The following CIB4 variants were observed in gnomAD, a reference collection of about 807,000 sequenced individuals.
CIB4 encodes the protein calcium and integrin binding family member 4, also known as calcium and integrin-binding family member 4.
In CIB4, 25 loss-of-function variants were observed where a neutral mutation model predicts 25.8. The ratio of observed to expected loss-of-function variants is 0.97; its 90% CI spans 0.71 to 1.35. The LOEUF is 1.35. Ranked by LOEUF, CIB4 falls within the 40% of genes most tolerant of loss-of-function variation. CIB4 has a pLI of 0.00. For synonymous variants in CIB4, 75 were observed against 81.4 expected, an observed-to-expected ratio of 0.92 and a Z score of 0.42; for missense variants, 235 against 228.2, an observed-to-expected ratio of 1.03 and a Z score of -0.19.
chr2:26,615,418 T>A (rs1184866506), intron 3 of CIB4, among the ~76,000 whole-genome samples: 4 of 152,144 alleles, frequency 2.6e-5, no homozygotes, highest in Non-Finnish European at 4.4e-5. Flanking sequence ...GGAGAGCGGC[T>A]GCCATCCCTA....
chr2:26,636,723 T>C (rs950781774), intron 2 of CIB4, among the ~76,000 whole-genome samples: 1 of 152,224 alleles, frequency 6.6e-6, no homozygotes, highest in Admixed American at 6.5e-5. Flanking sequence ...ACAAAAAGTA[T>C]TGTTATCCTG....
intron 6 of CIB4, among the ~76,000 whole-genome samples, chr2:26,581,621 C>T (rs1324973754): frequency 6.6e-6 from 1 of 152,184 alleles, no homozygotes; most frequent in African/African-American, 2.4e-5. Context: ...CCTTGTGGTG[C>T]TCGAATCAGT....
At chr2:26,592,433 T>C (rs1284173641) in intron 4 of CIB4, among the ~76,000 whole-genome samples, 1 of 152,224 alleles carries the variant, frequency 6.6e-6, no homozygotes, top group Non-Finnish European at 1.5e-5. Context: ...GCCAACAGAA[T>C]TTGGGTATGT....
In CIB4 at chr2:26,600,203, A is replaced by G. The variant is rs184228644; in HGVS notation, c.187-4886T>C. ...GCAGATCACCTGAGGTCAGGAGTTC[A>G]AGACCAGACTGGTCAATGTGGCGAA... On this transcript the variant is annotated intron_variant, in intron 3 of 6. Transcript: ENST00000288861. 3.6e-3 allele frequency among the ~76,000 whole-genome samples: 525 copies of G among 147,492 alleles called. 85 individuals are homozygous for G. Among genetic ancestry groups the G allele is most frequent in the African/African-American group, 0.013 (509 of 38,656 alleles).
intron 3 of CIB4, among the ~76,000 whole-genome samples, chr2:26,608,464 A>G (rs1668935205): frequency 1.3e-5 from 2 of 152,192 alleles, no homozygotes; most frequent in African/African-American, 4.8e-5. Flanking sequence ...CTCTAGGCCT[A>G]AGGCCCAAGA....
At chr2:26,622,417 A>T (rs568989386) in intron 3 of CIB4, among the ~76,000 whole-genome samples, 2 of 152,254 alleles carry the variant, frequency 1.3e-5, no homozygotes, top group East Asian at 3.9e-4. Flanking sequence ...GATCTCCCCC[A>T]AACTATCATG....
chr2:26,589,278 T>A (rs1018857329), intron 4 of CIB4, among the ~76,000 whole-genome samples: 1 of 148,550 alleles, frequency 6.7e-6, no homozygotes, highest in Non-Finnish European at 1.5e-5. Flanking sequence ...TCCTCCTCCT[T>A]CTTTCCTCCT....
Position 26,582,966 on chromosome 2 carries a change from G to A in CIB4, c.439-53C>T, listed in dbSNP as rs138041052. ...AGTGGAACCCCATGTCAGGCAGTGAGGTGGGGCACAGGGTGGAGGGGGAAA... is the reference window on the plus strand; with the variant it reads ...AGTGGAACCCCATGTCAGGCAGTGAAGTGGGGCACAGGGTGGAGGGGGAAA... On this transcript the variant is annotated intron_variant, in intron 5 of 6. Transcript: ENST00000288861. 1.6e-5 allele frequency: 20 copies of A among 1,258,968 alleles called. No homozygotes were observed. In the African/African-American group the frequency reaches 2.4e-4, roughly 15 times the overall value. The allele number at this position is 1,258,968 out of a possible 1,614,324, so 78.0% of individuals were successfully genotyped here.
intron 2 of CIB4, among the ~76,000 whole-genome samples, chr2:26,637,476 A>T (rs1669555740): frequency 1.3e-5 from 2 of 151,776 alleles, no homozygotes; most frequent in Admixed American, 6.6e-5. Context: ...CTTTTAGTAA[A>T]CAGAGGTCAA....
intron 2 of CIB4, among the ~76,000 whole-genome samples, chr2:26,635,296 A>C (rs963019326): frequency 3.3e-5 from 5 of 152,314 alleles, no homozygotes; most frequent in Admixed American, 3.3e-4. Context: ...CTAGAACATG[A>C]GGTCTCCCCC....
chr2:26,589,331 C>G (rs1043723260), intron 4 of CIB4, among the ~76,000 whole-genome samples: 2 of 150,578 alleles, frequency 1.3e-5, no homozygotes, highest in African/African-American at 4.9e-5. Flanking sequence ...CCTTCTTCTT[C>G]TATTTTTGAG....
intron 3 of CIB4, among the ~76,000 whole-genome samples, chr2:26,608,803 G>A (rs1249286390): frequency 1.3e-5 from 2 of 152,232 alleles, no homozygotes; most frequent in South Asian, 4.2e-4. Context: ...CAGCACCCCT[G>A]TCTCGTGGGT....
At chr2:26,614,749 G>C (rs894105219) in intron 3 of CIB4, among the ~76,000 whole-genome samples, 1 of 152,192 alleles carries the variant, frequency 6.6e-6, no homozygotes, top group Non-Finnish European at 1.5e-5. Flanking sequence ...CTCAGAGAAG[G>C]GCTGAGCCAC....
chr2:26,638,025 G>A (rs529779968), intron 2 of CIB4, among the ~76,000 whole-genome samples: 4 of 152,272 alleles, frequency 2.6e-5, no homozygotes, highest in South Asian at 2.1e-4. Context: ...GCTGACGCAC[G>A]CCGGCCTTTG....
chr2:26,616,506 G>T (rs1480938680), intron 3 of CIB4, among the ~76,000 whole-genome samples: 5 of 152,206 alleles, frequency 3.3e-5, no homozygotes, highest in Non-Finnish European at 7.4e-5. Context: ...TAAAGGTGGG[G>T]CCTGGCTTGG....
chr2:26,629,329 C>T, intron 3 of CIB4, 81 bp downstream of exon 3: 2 of 885,850 alleles, frequency 2.3e-6, no homozygotes, highest in South Asian at 1.4e-5. Context: ...GCCCACCTCA[C>T]CCCACCCCTC....
At chr2:26,621,283 A>G (rs75835737) in intron 3 of CIB4, among the ~76,000 whole-genome samples, 4,208 of 151,610 alleles carry the variant, frequency 0.028, 196 homozygotes, top group African/African-American at 0.096. Context: ...AGGGAATGAA[A>G]AAAGATCAGG....
chr2:26,623,785 T>C (rs1669249741), intron 3 of CIB4, among the ~76,000 whole-genome samples: 1 of 152,188 alleles, frequency 6.6e-6, no homozygotes, highest in African/African-American at 2.4e-5. Flanking sequence ...CCCTACCTGC[T>C]CCAAGGCCCT....
intron 3 of CIB4, among the ~76,000 whole-genome samples, chr2:26,601,231 A>AAAAAAAAAAAAAAAATATAT (rs1395827334): frequency 5.8e-5 from 1 of 17,238 alleles, no homozygotes; most frequent in African/African-American, 1.5e-4. Context: ...AAAAAAAAAA[A>AAAAAAAAAAAAAAAATATAT]ATATATATAT....
Sources: gnomAD v4.1 joint callset for allele counts (sites outside exome capture counted in the v4.1 genomes callset) on GRCh38, gnomAD v4.1.1 for gene constraint, MANE v1.5 for transcripts, NCBI Gene and HGNC (gene_info 2026-07-23, HGNC 2026-07-21) for gene names.